The following RFTN1 variants were observed in gnomAD, a reference collection of about 807,000 sequenced individuals.
RFTN1 encodes the protein raftlin.
Under a neutral mutation model 46.5 loss-of-function variants are expected in RFTN1, and 26 were observed. That is an observed-to-expected ratio of 0.56 (90% CI 0.41 to 0.78). The LOEUF is 0.78. RFTN1 is among the 30% of genes least tolerant of loss of function. The pLI, the probability that RFTN1 is intolerant of heterozygous loss-of-function variation, is 0.00. For synonymous variants in RFTN1, 261 were observed against 284.2 expected (o/e 0.92, Z 0.82); for missense variants, 693 against 718.7 (o/e 0.96, Z 0.41).
chr3:16,490,226 C>A (rs1423412584), intron 2 of RFTN1, among the ~76,000 whole-genome samples: 2 of 152,154 alleles, frequency 1.3e-5, no homozygotes, highest in African/African-American at 4.8e-5. Context: ...ATGATGTAAT[C>A]AAAATGTCAA....
intron 2 of RFTN1, among the ~76,000 whole-genome samples, chr3:16,486,001 A>G (rs937039198): frequency 1.8e-4 from 27 of 152,328 alleles, no homozygotes; most frequent in Non-Finnish European, 2.8e-4. Context: ...TGAATCATCA[A>G]GTGAGAGCAT....
At chr3:16,333,396 T>C (rs1190077240) in intron 7 of RFTN1, among the ~76,000 whole-genome samples, 2 of 152,230 alleles carry the variant, frequency 1.3e-5, no homozygotes, top group African/African-American at 2.4e-5. Flanking sequence ...TTTGTATTGA[T>C]TTTGGGATTA....
chr3:16,316,858 G>C lies in RFTN1; in HGVS notation c.1707C>G (p.Val569=). The stretch of plus-strand genomic sequence containing the variant: ...TTTCTTCAACCGTACCAAGCTCTCT[G>C]ACTTCCTCAGCATCCCCGTCCCTGG... The part of the protein sequence containing the change: ...EDARDGDAEE[V]RELGTVEEN Residue 569 remains valine (V), a synonymous_variant, in exon 10 of 10, where the codon GTC becomes GTG. Transcript: ENST00000334133. The surrounding 1 kb of genome is among the most constrained non-coding windows in gnomAD (Gnocchi z 4.5). 1 of 1,614,120 alleles carries C rather than the reference G, an allele frequency of 6.2e-7. No individual in the cohort carries two copies. Among genetic ancestry groups the C allele is most frequent in the Non-Finnish European group, 8.5e-7 (1 of 1,180,028 alleles).
Position 16,385,315 on chromosome 3 carries a change from G to T in RFTN1, c.442-7213C>A, listed in dbSNP as rs2074133264. On this transcript the variant is annotated intron_variant, in intron 4 of 9. Coordinates refer to ENST00000334133, the MANE Select transcript of RFTN1 (RefSeq NM_015150.2). The surrounding 1 kb of genome is among the most constrained non-coding windows in gnomAD (Gnocchi z 5.0). ...GAGCTCACATCTGAAGCCGCCTTTAGTTTTGACATGTTAACACTTAGCTGC... is the reference window on the plus strand; with the variant it reads ...GAGCTCACATCTGAAGCCGCCTTTATTTTTGACATGTTAACACTTAGCTGC... Among the ~76,000 whole-genome samples the T allele has an allele frequency of 6.6e-6, 1 of 152,218 alleles. No homozygotes were observed. The highest frequency in any genetic ancestry group is 1.5e-5 in the Non-Finnish European group (1 of 68,044).
At position 16,402,364 on chromosome 3, in the gene RFTN1, A is replaced by C. The variant is rs904900175; in HGVS notation, c.441+7011T>G. Among the ~76,000 whole-genome samples, 26 of 151,846 alleles carry C rather than the reference A, an allele frequency of 1.7e-4. No individual in the cohort carries two copies. Among genetic ancestry groups the C allele is most frequent in the Non-Finnish European group, 3.5e-4 (24 of 67,958 alleles). On this transcript the variant is annotated intron_variant, in intron 4 of 9. Coordinates refer to ENST00000334133, the MANE Select transcript of RFTN1 (RefSeq NM_015150.2). This position sits in a 1 kb window ranked among gnomAD's most constrained non-coding sequence, Gnocchi z 4.5. ...GCCAGCCGCCAGCTCACTGTCTTCC[A>C]CTCTGAAGACACACTCATTGCTGGG... is the stretch of plus-strand genomic sequence containing the variant.
chr3:16,325,315 A>C lies in RFTN1; in HGVS notation c.1250+1458T>G, dbSNP rs188296814. On this transcript the variant is annotated intron_variant, in intron 8 of 9. Coordinates refer to ENST00000334133, the MANE Select transcript of RFTN1 (RefSeq NM_015150.2). ...AACACAGATCTACCCAGTTCCACAC[A>C]GTCTCCATTCCACCGTAAGTGGTCA... Among the ~76,000 whole-genome samples the C allele has an allele frequency of 2.0e-5, 3 of 152,374 alleles. No homozygotes were observed. The East Asian group carries it at 5.8e-4, about 29-fold the overall frequency.
In RFTN1 at chr3:16,377,765, C is replaced by T; in HGVS notation, c.779G>A (p.Gly260Glu). The T allele has an allele frequency of 3.1e-6, 5 of 1,612,026 alleles. No individual in the cohort carries two copies. The highest frequency in any genetic ancestry group is 4.2e-6 in the Non-Finnish European group (5 of 1,178,282). The change falls in exon 5 of 10, where the codon GGA (glycine) becomes GAA (glutamate). Residue 260 changes from glycine (G) to glutamate (E), a missense_variant. Gly to Glu is a moderately conservative substitution (Grantham distance 98). Coordinates refer to ENST00000334133, the MANE Select transcript of RFTN1 (RefSeq NM_015150.2). ...SPQGVSKTLD[G>E]PESNPLEVHE... Reference sequence around the variant, plus strand: ...CACCTCCAAGGGGTTGCTCTCCGGTCCATCCAGTGTCTTGCTCACCCCCTG... The same window carrying T: ...CACCTCCAAGGGGTTGCTCTCCGGTTCATCCAGTGTCTTGCTCACCCCCTG...
rs1490139526 is a variant in RFTN1, at chr3:16,433,620, G to A, written c.332+231C>T. Among the ~76,000 whole-genome samples the A allele has an allele frequency of 6.6e-6, 1 of 152,212 alleles. No homozygotes were observed. Among genetic ancestry groups the A allele is most frequent in the East Asian group, 1.9e-4 (1 of 5,196 alleles). On this transcript the variant is annotated intron_variant, in intron 3 of 9. Transcript: ENST00000334133. This position sits in a 1 kb window ranked among gnomAD's most constrained non-coding sequence, Gnocchi z 4.4. Reference sequence around the variant, plus strand: ...CAGTGAGTTAAAAGAGGGAAAGAATGTAAAATGGAACTCTCTACTTGCAGT... The same window carrying A: ...CAGTGAGTTAAAAGAGGGAAAGAATATAAAATGGAACTCTCTACTTGCAGT...
At position 16,466,863 on chromosome 3, in the gene RFTN1, T is replaced by A. The variant is rs559189943; in HGVS notation, c.145+26862A>T. On this transcript the variant is annotated intron_variant, in intron 2 of 9. Coordinates refer to ENST00000334133, the MANE Select transcript of RFTN1 (RefSeq NM_015150.2). The surrounding 1 kb of genome is among the most constrained non-coding windows in gnomAD (Gnocchi z 5.6). ...TCCATCTTTCTAGACAGTGAGTATC[T>A]AATACAAGTCAAGACACAGTAATTA... Among the ~76,000 whole-genome samples, 402 of 152,262 alleles carry A rather than the reference T, an allele frequency of 2.6e-3. No homozygotes were observed. The highest frequency in any genetic ancestry group is 8.5e-3 in the African/African-American group (353 of 41,550).
At chr3:16,375,822 G>A (rs1042846121) in intron 5 of RFTN1, among the ~76,000 whole-genome samples, 5 of 152,198 alleles carry the variant, frequency 3.3e-5, no homozygotes, top group Admixed American at 6.5e-5. Context: ...TTCCTCCCCA[G>A]CAGGGTCTGT....
chr3:16,486,907 C>T (rs992980826), intron 2 of RFTN1, among the ~76,000 whole-genome samples: 1 of 152,230 alleles, frequency 6.6e-6, no homozygotes, highest in Admixed American at 6.5e-5. Context: ...AGTGTCCTTA[C>T]AAGATGAGAC....
At position 16,316,844 on chromosome 3, in the gene RFTN1, G is replaced by A. The variant is rs567063624; in HGVS notation, c.1721C>T (p.Thr574Met). 1.5e-5 allele frequency: 24 copies of A among 1,613,866 alleles called. No homozygotes were observed. The Admixed American group carries it at 1.7e-4, about 11-fold the overall frequency. Residue 574 changes from threonine (T) to methionine (M), a missense_variant, in exon 10 of 10, where the codon ACG (threonine) becomes ATG (methionine). Coordinates refer to ENST00000334133, the MANE Select transcript of RFTN1 (RefSeq NM_015150.2). The surrounding 1 kb of genome is among the most constrained non-coding windows in gnomAD (Gnocchi z 4.5). Reference sequence around the variant, plus strand: ...GCCCAAGACTCAGTTTTCTTCAACCGTACCAAGCTCTCTGACTTCCTCAGC... The same window carrying A: ...GCCCAAGACTCAGTTTTCTTCAACCATACCAAGCTCTCTGACTTCCTCAGC... Reference protein sequence around the residue: ...GDAEEVRELGTVEEN With the variant: ...GDAEEVRELGMVEEN
rs572171546 is a variant in RFTN1, at chr3:16,402,673, G to A, written c.441+6702C>T. On this transcript the variant is annotated intron_variant, in intron 4 of 9. Coordinates refer to ENST00000334133, the MANE Select transcript of RFTN1 (RefSeq NM_015150.2). The surrounding 1 kb of genome is among the most constrained non-coding windows in gnomAD (Gnocchi z 4.5). ...ATAACAGGCAAAATTTCATCATCCC[G>A]GAGATTTGGGATATTCTGTTTCATT... 1.6e-4 allele frequency among the ~76,000 whole-genome samples: 24 copies of A among 152,174 alleles called. No homozygotes were observed. The highest frequency in any genetic ancestry group is 3.4e-3 in the Middle Eastern group (1 of 294).
Position 16,473,895 on chromosome 3 carries a change from T to C in RFTN1, c.145+19830A>G, listed in dbSNP as rs2076240853. ...TCGCCCTTGTGAACACTGACTTCTCTGACCAATGCCTGTGGTCCTGGTGAC... is the reference window on the plus strand; with the variant it reads ...TCGCCCTTGTGAACACTGACTTCTCCGACCAATGCCTGTGGTCCTGGTGAC... On this transcript the variant is annotated intron_variant, in intron 2 of 9. Transcript: ENST00000334133. This position sits in a 1 kb window ranked among gnomAD's most constrained non-coding sequence, Gnocchi z 5.3. Among the ~76,000 whole-genome samples the C allele has an allele frequency of 6.6e-6, 1 of 152,240 alleles. No individual in the cohort carries two copies. Among genetic ancestry groups the C allele is most frequent in the African/African-American group, 2.4e-5 (1 of 41,464 alleles).
chr3:16,394,467 G>GAC (rs541157771), intron 4 of RFTN1, among the ~76,000 whole-genome samples: 5 of 152,044 alleles, frequency 3.3e-5, no homozygotes, highest in Admixed American at 2.0e-4. Flanking sequence ...GAATCTCACA[G>GAC]ACACAGTGCT....
rs530314280 is a variant in RFTN1, at chr3:16,350,864, A to AG, written c.1146+7067_1146+7068insC. The stretch of plus-strand genomic sequence containing the variant: ...TATCTTGGAGAAACTGTGGCAATAG[A>AG]AGAAAAAAGCCAGATGGTTTAAAAA... On this transcript the variant is annotated intron_variant, in intron 7 of 9. Transcript: ENST00000334133. 2.0e-4 allele frequency among the ~76,000 whole-genome samples: 31 copies of AG among 152,336 alleles called. 2 individuals carry two copies. The East Asian group carries it at 6.0e-3, about 29-fold the overall frequency.
intron 3 of RFTN1, among the ~76,000 whole-genome samples, chr3:16,431,289 T>C (rs1485373197): frequency 1.3e-5 from 2 of 152,176 alleles, no homozygotes; most frequent in Non-Finnish European, 1.5e-5. Context: ...GTGCCAGGCA[T>C]GAAGCCAGGC....
intron 2 of RFTN1, among the ~76,000 whole-genome samples, chr3:16,477,491 G>A (rs1205441594): frequency 6.6e-6 from 1 of 152,154 alleles, no homozygotes; most frequent in Non-Finnish European, 1.5e-5. Context: ...GGCTGTGGTG[G>A]TGCTGAATTA....
chr3:16,492,696 G>A (rs1327322989), intron 2 of RFTN1, among the ~76,000 whole-genome samples: 3 of 152,204 alleles, frequency 2.0e-5, no homozygotes, highest in African/African-American at 7.2e-5. Flanking sequence ...AGAATAGCAT[G>A]TTCTTCCTCT....
Sources: allele counts gnomAD v4.1 joint callset (sites outside exome capture counted in the v4.1 genomes callset), GRCh38; gene constraint gnomAD v4.1.1; non-coding constraint Gnocchi (gnomAD v3.1); transcripts MANE v1.5; gene names NCBI Gene and HGNC (gene_info 2026-07-23, HGNC 2026-07-21).